The following WDR59 variants were observed in gnomAD, a reference collection of about 807,000 sequenced individuals.
The protein encoded by WDR59 is GATOR2 complex protein WDR59.
In WDR59, 100 loss-of-function variants were observed where a neutral mutation model predicts 131.2. The observed-to-expected ratio is 0.76, with a 90% CI of 0.65 to 0.90. WDR59 has a LOEUF of 0.90. Ranked by LOEUF, WDR59 falls within the 40% of genes least tolerant of loss-of-function variation. The probability of loss-of-function intolerance (pLI) is 0.00; values close to 1 mark genes in which losing one functional copy is unlikely to be tolerated. For missense variants in WDR59, 1,203 were observed against 1,262.2 expected (o/e 0.95, Z 0.71); for synonymous variants, 601 against 466.2 (o/e 1.29, Z -3.72).
chr16:74,910,607 C>G (rs1966038477), intron 14 of WDR59, among the ~76,000 whole-genome samples: 2 of 152,142 alleles, frequency 1.3e-5, no homozygotes, highest in African/African-American at 4.8e-5. Flanking sequence ...CTCTCAGTGA[C>G]AAGAGGCATG....
At chr16:74,938,317 T>C in intron 7 of WDR59, 51 bp from the exon 8 acceptor site, 3 of 1,293,744 alleles carry the variant, frequency 2.3e-6, no homozygotes, top group Non-Finnish European at 3.1e-6. Flanking sequence ...ACTCTTTGAG[T>C]GTCTATCACG....
Position 74,944,821 on chromosome 16 carries a change from G to C in WDR59, c.446-1995C>G, listed in dbSNP as rs959838295. Among the ~76,000 whole-genome samples the C allele has an allele frequency of 2.0e-5, 3 of 152,072 alleles. No individual in the cohort carries two copies. In the East Asian group the frequency reaches 5.8e-4, roughly 29 times the overall value. On this transcript the variant is annotated intron_variant, in intron 6 of 25. Transcript: ENST00000262144. The stretch of plus-strand genomic sequence containing the variant: ...TCTATAACAGAAAAAAAAGCAATGA[G>C]AACAGGCAGGCTAAAAAAAGAACCA...
chr16:74,931,430 G>T (rs1017958703), intron 8 of WDR59, among the ~76,000 whole-genome samples: 1 of 152,024 alleles, frequency 6.6e-6, no homozygotes, highest in African/African-American at 2.4e-5. Context: ...CGACCTCTTG[G>T]GCTTGAGCTA....
At chr16:74,890,756 TTAA>T (rs1567692407) in intron 20 of WDR59, among the ~76,000 whole-genome samples, 1 of 152,150 alleles carries the variant, frequency 6.6e-6, no homozygotes, top group Non-Finnish European at 1.5e-5. Context: ...TAAGTGTCTA[TTAA>T]GTCCAAGGCA....
At position 74,951,342 on chromosome 16, in the gene WDR59, G is replaced by A. The variant is rs147149408; in HGVS notation, c.326+116C>T. On this transcript the variant is annotated intron_variant, in intron 4 of 25. Transcript: ENST00000262144. ...AATGCTAATAACCCGCTGACCACCCGGGACCTGTGCAACACAGACAGTCAA... is the reference window on the plus strand; with the variant it reads ...AATGCTAATAACCCGCTGACCACCCAGGACCTGTGCAACACAGACAGTCAA... 2.0e-3 allele frequency: 1,995 copies of A among 1,018,152 alleles called. 4 individuals carry two copies. The highest frequency in any genetic ancestry group is 3.0e-3 in the Middle Eastern group (10 of 3,340). The allele number at this position is 1,018,152 out of a possible 1,614,324, so 63.1% of individuals were successfully genotyped here. A position where few individuals can be genotyped will look rare whatever the true frequency, so the allele number is the denominator to read the frequency against.
intron 8 of WDR59, among the ~76,000 whole-genome samples, chr16:74,929,366 C>T (rs1166149010): frequency 2.0e-5 from 3 of 152,066 alleles, no homozygotes; most frequent in Admixed American, 1.3e-4. Context: ...TGAGCCACTG[C>T]GCCCGGCTGA....
chr16:74,937,219 T>G (rs980980563), intron 8 of WDR59, among the ~76,000 whole-genome samples: 1 of 152,194 alleles, frequency 6.6e-6, no homozygotes, highest in Non-Finnish European at 1.5e-5. Flanking sequence ...ACACTGTACC[T>G]TGTGATAAAC....
At chr16:74,931,312 T>TA (rs1254904762) in intron 8 of WDR59, among the ~76,000 whole-genome samples, 1 of 152,152 alleles carries the variant, frequency 6.6e-6, no homozygotes, top group East Asian at 1.9e-4. Flanking sequence ...CTGATGCTTT[T>TA]AAAAAAATGT....
chr16:74,912,700 G>A (rs572868184), intron 13 of WDR59, among the ~76,000 whole-genome samples: 2 of 152,316 alleles, frequency 1.3e-5, no homozygotes, highest in South Asian at 2.1e-4. Flanking sequence ...CTTCAGAGCT[G>A]AGAGCCTTGA....
intron 5 of WDR59, among the ~76,000 whole-genome samples, chr16:74,949,274 T>A (rs1228172955): frequency 7.1e-6 from 1 of 141,318 alleles, no homozygotes; most frequent in Non-Finnish European, 1.5e-5. Flanking sequence ...AAGGCTGTAC[T>A]GAGCTGAGAT....
chr16:74,970,364 C>G (rs2033929837), intron 1 of WDR59, among the ~76,000 whole-genome samples: 1 of 151,804 alleles, frequency 6.6e-6, no homozygotes, highest in Non-Finnish European at 1.5e-5. Flanking sequence ...TTCTACTTAT[C>G]TTCTAAGTCC....
At chr16:74,978,117 A>C (rs898118825) in intron 1 of WDR59, among the ~76,000 whole-genome samples, 4 of 152,052 alleles carry the variant, frequency 2.6e-5, no homozygotes, top group Admixed American at 2.0e-4. Context: ...GCACTTTGGG[A>C]GGCCAAGGTG....
Position 74,984,950 on chromosome 16 carries a change from G to C in WDR59, c.54+14C>G, listed in dbSNP as rs762762613. 1.2e-6 allele frequency: 2 copies of C among 1,602,784 alleles called. No homozygotes were observed. The highest frequency in any genetic ancestry group is 1.7e-6 in the Non-Finnish European group (2 of 1,175,096). On this transcript the variant is annotated intron_variant, in intron 1 of 25. Coordinates refer to ENST00000262144, the MANE Select transcript of WDR59 (RefSeq NM_030581.4). ...GACGCATGCCCAGAGGGCTCCACTC[G>C]GCCTCTAGCTCACCTGGGAGTCACG...
chr16:74,967,657 G>A (rs772689464), intron 1 of WDR59, among the ~76,000 whole-genome samples: 3 of 151,978 alleles, frequency 2.0e-5, no homozygotes, highest in African/African-American at 4.8e-5. Context: ...TCAGAAGTTC[G>A]AGACCAGCCT....
At position 74,951,903 on chromosome 16, in the gene WDR59, C is replaced by T. The variant is rs150768806; in HGVS notation, c.241-360G>A. 8.0e-3 allele frequency among the ~76,000 whole-genome samples: 1,224 copies of T among 152,250 alleles called. 15 individuals are homozygous for T. Among genetic ancestry groups the T allele is most frequent in the African/African-American group, 0.028 (1,158 of 41,556 alleles). The stretch of plus-strand genomic sequence containing the variant: ...CTCCTCCCTCTGAAGGTCACACACT[C>T]GTCTCCCCAGCTGCTGGTACACTGG... On this transcript the variant is annotated intron_variant, in intron 3 of 25. Coordinates refer to ENST00000262144, the MANE Select transcript of WDR59 (RefSeq NM_030581.4).
chr16:74,893,865 A>C (rs1471212195), intron 18 of WDR59, 53 bp from the exon 19 acceptor site: 1 of 1,599,630 alleles, frequency 6.3e-7, no homozygotes, highest in Admixed American at 1.7e-5. Context: ...AGTGGAAACC[A>C]ACAATTGCAG....
At chr16:74,957,138 T>C (rs1240251789) in intron 2 of WDR59, among the ~76,000 whole-genome samples, 3 of 150,038 alleles carry the variant, frequency 2.0e-5, no homozygotes, top group Non-Finnish European at 3.0e-5. Flanking sequence ...TGGAGTACTG[T>C]GGTATGATCT....
At chr16:74,880,641 G>A (rs1400195463) in intron 25 of WDR59, among the ~76,000 whole-genome samples, 1 of 152,118 alleles carries the variant, frequency 6.6e-6, no homozygotes, top group Non-Finnish European at 1.5e-5. Flanking sequence ...ACTACCCTGA[G>A]GATCACAGGT....
chr16:74,903,981 T>G lies in WDR59; in HGVS notation c.1832A>C (p.Gln611Pro), dbSNP rs1401587611. Residue 611 changes from glutamine to proline, a missense_variant, in exon 18 of 26, where the codon CAG becomes CCG. By Grantham distance (76) the Gln-to-Pro change is moderately conservative. Transcript: ENST00000262144. ...SGSPTRSEKE[Q>P]VSISSFYYKE... is the part of the protein sequence containing the mutation. The stretch of plus-strand genomic sequence containing the variant: ...GTAGTAGAAGGAGCTGATGGAGACC[T>G]GCTCTTTCTCGCTGCGAGTGGGGCT... The G allele has an allele frequency of 6.2e-7, 1 of 1,610,394 alleles. No individual in the cohort carries two copies. The highest frequency in any genetic ancestry group is 2.2e-5 in the East Asian group (1 of 44,842).
Sources: gnomAD v4.1 joint callset for allele counts (sites outside exome capture counted in the v4.1 genomes callset) on GRCh38, gnomAD v4.1.1 for gene constraint, MANE v1.5 for transcripts, NCBI Gene and HGNC (gene_info 2026-07-23, HGNC 2026-07-21) for gene names.